SLC13A4: variants seen among roughly 807,000 people sequenced by gnomAD.
The protein encoded by SLC13A4 is Na(+)/sulfate cotransporter SUT-1.
Under a neutral mutation model 72.7 loss-of-function variants are expected in SLC13A4, and 28 were observed. That is an observed-to-expected ratio of 0.39 (90% CI 0.29 to 0.53). The LOEUF (loss-of-function observed/expected upper bound fraction) is 0.53. Among genes scored for constraint, SLC13A4 ranks in the 20% least tolerant of loss-of-function variants. SLC13A4 has a pLI of 0.78. For missense variants in SLC13A4, 653 were observed against 788.0 expected, an observed-to-expected ratio of 0.83 and a Z score of 2.05; for synonymous variants, 312 against 325.5, an observed-to-expected ratio of 0.96 and a Z score of 0.45.
chr7:135,721,358 G>C (rs765214982), intron 2 of SLC13A4, 37 bp downstream of exon 2: 1 of 1,611,598 alleles, frequency 6.2e-7, no homozygotes, highest in Non-Finnish European at 8.5e-7. Flanking sequence ...GGCCCTGCAG[G>C]GACCCAGGCA....
intron 8 of SLC13A4, among the ~76,000 whole-genome samples, chr7:135,696,316 G>A (rs919583948): frequency 1.2e-4 from 18 of 152,004 alleles, no homozygotes; most frequent in African/African-American, 2.9e-4. Context: ...TGAAAACTCC[G>A]TCTTGACCCT....
chr7:135,683,554 A>G, intron 15 of SLC13A4: 1 of 985,320 alleles, frequency 1.0e-6, no homozygotes, highest in Non-Finnish European at 1.2e-6. Flanking sequence ...AGATAGGCCC[A>G]GTGCTAAAGT....
intron 7 of SLC13A4, among the ~76,000 whole-genome samples, chr7:135,700,731 A>T (rs1796014512): frequency 6.6e-6 from 1 of 151,918 alleles, no homozygotes; most frequent in Admixed American, 6.6e-5. Flanking sequence ...TGCAGCCCTG[A>T]CCTCCTGGGC....
Position 135,691,568 on chromosome 7 carries a change from C to T in SLC13A4, c.1301G>A (p.Cys434Tyr). 6.2e-7 allele frequency: 1 copy of T among 1,613,542 alleles called. No individual in the cohort carries two copies. The highest frequency in any genetic ancestry group is 1.3e-5 in the African/African-American group (1 of 75,026). ...LLFLIPAKKPCFGKKNDGENQ... is the reference protein window; with the variant it reads ...LLFLIPAKKPYFGKKNDGENQ... ...CTCACCATCATTCTTTTTCCCAAAG[C>T]AGGGCTTCTTCGCTGGAATGAGGAA... The change falls in exon 12 of 16, where the codon TGC becomes TAC. Residue 434 changes from cysteine (C) to tyrosine (Y), a missense_variant. By Grantham distance (194) the Cys-to-Tyr change is radical. Transcript: ENST00000682651.
At chr7:135,684,969 C>T (rs1795588237) in intron 14 of SLC13A4, among the ~76,000 whole-genome samples, 1 of 152,148 alleles carries the variant, frequency 6.6e-6, no homozygotes, top group African/African-American at 2.4e-5. Flanking sequence ...GGCCGTTGCT[C>T]CCCTCCCTTA....
intron 12 of SLC13A4, 105 bp from the exon 13 acceptor site, chr7:135,691,430 G>C (rs1400124272): frequency 1.0e-6 from 1 of 956,470 alleles, no homozygotes; most frequent in Admixed American, 2.1e-5. Flanking sequence ...TGCTATTTGG[G>C]GCGGGGGCCG....
rs768868516 is a variant in SLC13A4, at chr7:135,681,533, C to T, written c.*30G>A. On this transcript the variant is annotated 3_prime_UTR_variant, in exon 16 of 16. Coordinates refer to ENST00000682651, the MANE Select transcript of SLC13A4 (RefSeq NM_001318192.2). Reference sequence around the variant, plus strand: ...AGATACTGCTGGATACTGGCAGCTCCTGTGGTTGGGCCAGTTTGTACACTT... The same window carrying T: ...AGATACTGCTGGATACTGGCAGCTCTTGTGGTTGGGCCAGTTTGTACACTT... 5 of 1,604,318 alleles carry T rather than the reference C, an allele frequency of 3.1e-6. No individual in the cohort carries two copies. The Middle Eastern group carries it at 5.0e-4, about 161-fold the overall frequency.
intron 13 of SLC13A4, among the ~76,000 whole-genome samples, chr7:135,690,783 G>C (rs543272219): frequency 6.6e-6 from 1 of 152,174 alleles, no homozygotes; most frequent in Non-Finnish European, 1.5e-5. Context: ...CAGGGACTCT[G>C]TGAACATTCT....
chr7:135,688,045 G>A (rs1157158417), intron 13 of SLC13A4, among the ~76,000 whole-genome samples: 1 of 150,698 alleles, frequency 6.6e-6, no homozygotes, highest in East Asian at 1.9e-4. Context: ...GTGCGATCTC[G>A]GCTCACCACA....
chr7:135,684,380 G>T, intron 14 of SLC13A4, 119 bp from the exon 15 acceptor site: 1 of 1,221,592 alleles, frequency 8.2e-7, no homozygotes, highest in Non-Finnish European at 1.1e-6. Context: ...GACACTATGT[G>T]GAGGGGTAGT....
In SLC13A4 at chr7:135,727,622, C is replaced by T. The variant is rs1383159844; in HGVS notation, c.-126G>A. 9.7e-6 allele frequency: 12 copies of T among 1,240,992 alleles called. No individual in the cohort carries two copies. Among genetic ancestry groups the T allele is most frequent in the African/African-American group, 1.5e-5 (1 of 66,010 alleles). The allele number at this position is 1,240,992 out of a possible 1,614,324, so 76.9% of individuals were successfully genotyped here. ...TTCTTGGCTTCCGAGAGTCCTCCTT[C>T]GTCTTGGGGGCAGAACGGGAGGGCA... is the stretch of plus-strand genomic sequence containing the variant. On this transcript the variant is annotated 5_prime_UTR_variant, in exon 1 of 16. Transcript: ENST00000682651.
chr7:135,723,188 G>T (rs564765556), intron 1 of SLC13A4, among the ~76,000 whole-genome samples: 1 of 152,024 alleles, frequency 6.6e-6, no homozygotes, highest in Admixed American at 6.6e-5. Context: ...CATTCTATCC[G>T]CTTGACACCA....
intron 6 of SLC13A4, chr7:135,702,500 C>G (rs770090999): frequency 4.2e-6 from 1 of 239,558 alleles, no homozygotes; most frequent in African/African-American, 2.3e-5. Flanking sequence ...CTCAGCCTCC[C>G]AAGTAGTGGG....
chr7:135,705,735 G>A (rs1796145963), intron 4 of SLC13A4, 85 bp from the exon 5 acceptor site: 3 of 1,156,792 alleles, frequency 2.6e-6, no homozygotes, highest in Non-Finnish European at 3.9e-6. Context: ...AGGGCTTAGG[G>A]CGGAGGTGGG....
At position 135,727,406 on chromosome 7, in the gene SLC13A4, G is replaced by A. The variant is rs1796688006; in HGVS notation, c.91C>T (p.Pro31Ser). 2 of 1,549,486 alleles carry A rather than the reference G, an allele frequency of 1.3e-6. No individual in the cohort carries two copies. The highest frequency in any genetic ancestry group is 1.7e-6 in the Non-Finnish European group (2 of 1,146,888). ...CGCAGGTCGGTACTCACGCTGCTGG[G>A]GTGGAGGACGGGCAGAGGCAGCAGC... ...LLLLPLPVLHPSSEASCAYVL... is the reference protein window; with the variant it reads ...LLLLPLPVLHSSSEASCAYVL... Residue 31 changes from proline (P) to serine (S), a missense_variant, in exon 1 of 16, where the codon CCC becomes TCC. Transcript: ENST00000682651.
At chr7:135,696,971 G>C (rs1206186744) in intron 8 of SLC13A4, among the ~76,000 whole-genome samples, 1 of 152,094 alleles carries the variant, frequency 6.6e-6, no homozygotes, top group African/African-American at 2.4e-5. Context: ...GTTTCCTTCT[G>C]TCCGTTAAAT....
chr7:135,727,547 A>G lies in SLC13A4; in HGVS notation c.-51T>C. On this transcript the variant is annotated 5_prime_UTR_variant, in exon 1 of 16. Coordinates refer to ENST00000682651, the MANE Select transcript of SLC13A4 (RefSeq NM_001318192.2). ...CCTTGGACCCCGCTCTGCCGGCGAA[A>G]GGCTTCCTGCCTGGGCACTGCTCTC... is the stretch of plus-strand genomic sequence containing the variant. 1 of 1,521,690 alleles carries G rather than the reference A, an allele frequency of 6.6e-7. No individual in the cohort carries two copies. The highest frequency in any genetic ancestry group is 2.5e-5 in the East Asian group (1 of 40,262). The allele number at this position is 1,521,690 out of a possible 1,614,324, so 94.3% of individuals were successfully genotyped here. A position where few individuals can be genotyped will look rare whatever the true frequency, so the allele number is the denominator to read the frequency against.
rs767982191 is a variant in SLC13A4, at chr7:135,694,281, C to T, written c.1020-43G>A. The T allele has an allele frequency of 1.1e-5, 13 of 1,227,458 alleles. No individual in the cohort carries two copies. The East Asian group carries it at 3.0e-4, about 28-fold the overall frequency. The allele number at this position is 1,227,458 out of a possible 1,614,324, so 76.0% of individuals were successfully genotyped here. A position where few individuals can be genotyped will look rare whatever the true frequency, so the allele number is the denominator to read the frequency against. On this transcript the variant is annotated intron_variant, in intron 9 of 15. Transcript: ENST00000682651. ...GCAAATGATTAAAGAAAACACACTT[C>T]TGAGGCCCAGAGATCAAATATTAGG... is the stretch of plus-strand genomic sequence containing the variant.
Position 135,708,156 on chromosome 7 carries a change from A to G in SLC13A4, c.323T>C (p.Ile108Thr), listed in dbSNP as rs1264087467. The G allele has an allele frequency of 6.2e-7, 1 of 1,614,210 alleles. No homozygotes were observed. Among genetic ancestry groups the G allele is most frequent in the South Asian group, 1.1e-5 (1 of 91,080 alleles). The part of the protein sequence containing the change: ...AVEKWNLHKR[I>T]ALRMVLMAGA... ...GGCCATCAAGACCATGCGCAGAGCA[A>G]TGCGCTTATGCAGGTTCCACTTCTC... Residue 108 changes from isoleucine to threonine, a missense_variant, in exon 3 of 16, where the codon ATT becomes ACT. Transcript: ENST00000682651.
Sources: allele counts gnomAD v4.1 joint callset (sites outside exome capture counted in the v4.1 genomes callset), GRCh38; gene constraint gnomAD v4.1.1; transcripts MANE v1.5; gene names NCBI Gene and HGNC (gene_info 2026-07-23, HGNC 2026-07-21).